Variants in BABAM2 observed in about 807,000 individuals in gnomAD.
The protein encoded by BABAM2 is BRISC and BRCA1-A complex member 2.
Under a neutral mutation model 54.7 loss-of-function variants are expected in BABAM2, and 31 were observed. The ratio of observed to expected loss-of-function variants is 0.57; its 90% confidence interval spans 0.43 to 0.77. The LOEUF (loss-of-function observed/expected upper bound fraction) is 0.77. Ranked by LOEUF, BABAM2 falls within the 30% of genes least tolerant of loss-of-function variation. The probability of loss-of-function intolerance (pLI) is 0.00; values close to 1 mark genes in which losing one functional copy is unlikely to be tolerated. For synonymous variants in BABAM2, 167 were observed against 162.9 expected (o/e 1.03, Z -0.19); for missense variants, 364 against 455.8 (o/e 0.80, Z 1.83).
At chr2:28,090,393 C>T (rs762437745) in intron 6 of BABAM2, among the ~76,000 whole-genome samples, 168 of 152,080 alleles carry the variant, frequency 1.1e-3, no homozygotes, top group Non-Finnish European at 2.2e-3. Context: ...TACAGGTGTG[C>T]GCCACCACAC....
intron 5 of BABAM2, among the ~76,000 whole-genome samples, chr2:28,038,863 T>G (rs1676863713): frequency 6.6e-6 from 1 of 152,184 alleles, no homozygotes; most frequent in South Asian, 2.1e-4. Context: ...AGGTGTCCTT[T>G]TGGTAGAGCG....
intron 11 of BABAM2, among the ~76,000 whole-genome samples, chr2:28,318,863 G>T (rs536275557): frequency 1.3e-5 from 2 of 152,166 alleles, no homozygotes; most frequent in African/African-American, 4.8e-5. Flanking sequence ...ATGCTGATTC[G>T]TCTGCTTAAT....
At chr2:28,026,060 A>G (rs1365024644) in intron 5 of BABAM2, among the ~76,000 whole-genome samples, 19 of 152,302 alleles carry the variant, frequency 1.2e-4, no homozygotes, top group African/African-American at 4.3e-4. Context: ...TAGAATGGCC[A>G]TAATTAAAAA....
At chr2:28,297,643 C>T (rs1279676750) in intron 10 of BABAM2, among the ~76,000 whole-genome samples, 1 of 152,100 alleles carries the variant, frequency 6.6e-6, no homozygotes, top group African/African-American at 2.4e-5. Flanking sequence ...CAGAGTAGTA[C>T]CTTATGCGTT....
chr2:28,006,870 A>G (rs1323704237), intron 4 of BABAM2, among the ~76,000 whole-genome samples: 1 of 152,050 alleles, frequency 6.6e-6, no homozygotes, highest in Non-Finnish European at 1.5e-5. Context: ...TAAAAATTAC[A>G]GAAATTCTTC....
intron 6 of BABAM2, among the ~76,000 whole-genome samples, chr2:28,123,245 C>T (rs575398360): frequency 1.3e-5 from 2 of 152,288 alleles, no homozygotes; most frequent in South Asian, 4.1e-4. Context: ...TCATTATACA[C>T]TATAGGAACT....
chr2:28,187,545 A>T (rs548364240), intron 7 of BABAM2, among the ~76,000 whole-genome samples: 24 of 152,170 alleles, frequency 1.6e-4, no homozygotes, highest in Non-Finnish European at 3.2e-4. Flanking sequence ...TAAAATTTAT[A>T]TATCTATCTG....
At chr2:27,922,501 G>A (rs1476212678) in intron 2 of BABAM2, among the ~76,000 whole-genome samples, 1 of 152,182 alleles carries the variant, frequency 6.6e-6, no homozygotes, top group Non-Finnish European at 1.5e-5. Flanking sequence ...CTCCTTTGAT[G>A]CTATCAAGAA....
At chr2:27,946,206 TGA>T (rs776533744) in intron 3 of BABAM2, among the ~76,000 whole-genome samples, 9 of 152,220 alleles carry the variant, frequency 5.9e-5, no homozygotes, top group Non-Finnish European at 1.3e-4. Flanking sequence ...TTTAGTTTGC[TGA>T]GAGTTTTTAT....
chr2:27,929,534 T>C (rs1329316319), intron 2 of BABAM2, among the ~76,000 whole-genome samples: 1 of 152,242 alleles, frequency 6.6e-6, no homozygotes, highest in Admixed American at 6.5e-5. Context: ...TTGGATAATA[T>C]ACCTAATTTT....
intron 10 of BABAM2, among the ~76,000 whole-genome samples, chr2:28,248,433 T>C (rs889270355): frequency 6.6e-6 from 1 of 151,980 alleles, no homozygotes; most frequent in Admixed American, 6.6e-5. Flanking sequence ...GGTCTCAAAC[T>C]CCCGACCTCA....
At chr2:28,311,683 T>C (rs983956564) in intron 11 of BABAM2, among the ~76,000 whole-genome samples, 10 of 152,234 alleles carry the variant, frequency 6.6e-5, no homozygotes, top group African/African-American at 2.4e-4. Context: ...CTGAAAGTAC[T>C]GGGCTAGTAC....
chr2:27,929,451 G>C (rs1034744776), intron 2 of BABAM2, among the ~76,000 whole-genome samples: 9 of 151,954 alleles, frequency 5.9e-5, no homozygotes, highest in African/African-American at 2.2e-4. Flanking sequence ...TGAAAGCTAA[G>C]AGTCCATATT....
chr2:28,038,434 T>G (rs2148595121), intron 5 of BABAM2, among the ~76,000 whole-genome samples: 1 of 152,322 alleles, frequency 6.6e-6, no homozygotes, highest in African/African-American at 2.4e-5. Flanking sequence ...ATTACAGGGT[T>G]ATGTTGTGTG....
At chr2:28,250,410 T>G (rs1253151110) in intron 10 of BABAM2, among the ~76,000 whole-genome samples, 6 of 150,860 alleles carry the variant, frequency 4.0e-5, no homozygotes, top group East Asian at 1.9e-4. Flanking sequence ...TTAACATAAT[T>G]GCCTTAAGAT....
At chr2:28,147,595 T>C (rs1426606044) in intron 7 of BABAM2, among the ~76,000 whole-genome samples, 1 of 151,784 alleles carries the variant, frequency 6.6e-6, no homozygotes, top group Non-Finnish European at 1.5e-5. Context: ...TGCCTCAGCC[T>C]CCCGAGTAGC....
At chr2:28,321,867 G>A (rs1690048229) in intron 11 of BABAM2, among the ~76,000 whole-genome samples, 1 of 151,688 alleles carries the variant, frequency 6.6e-6, no homozygotes, top group African/African-American at 2.4e-5. Flanking sequence ...CTTGTCCCGG[G>A]TCAGTTCCCA....
chr2:28,095,042 C>G (rs1034170451), intron 6 of BABAM2, among the ~76,000 whole-genome samples: 1 of 151,932 alleles, frequency 6.6e-6, no homozygotes, highest in African/African-American at 2.4e-5. Flanking sequence ...AGTGAATAAC[C>G]TTGTAAATGC....
At chr2:28,266,892 A>T (rs1685028007) in intron 10 of BABAM2, among the ~76,000 whole-genome samples, 1 of 152,256 alleles carries the variant, frequency 6.6e-6, no homozygotes, top group African/African-American at 2.4e-5. Flanking sequence ...GCAGTGGCTC[A>T]CGCCTGTAAT....
Sources: gnomAD v4.1 joint callset for allele counts (sites outside exome capture counted in the v4.1 genomes callset) on GRCh38, gnomAD v4.1.1 for gene constraint, MANE v1.5 for transcripts, NCBI Gene and HGNC (gene_info 2026-07-23, HGNC 2026-07-21) for gene names.